The following NMRK1 variants were observed in gnomAD, a reference collection of about 807,000 sequenced individuals.
NMRK1 encodes the protein nicotinamide riboside kinase 1.
A neutral mutation model predicts 29.9 loss-of-function variants in NMRK1; 28 were observed. The ratio of observed to expected loss-of-function variants is 0.94; its 90% CI spans 0.69 to 1.28. NMRK1 has a LOEUF of 1.28. NMRK1 is among the 50% of genes most tolerant of loss of function. The pLI is 0.00. For synonymous variants in NMRK1, 58 were observed against 73.0 expected (o/e 0.79, Z 1.05); for missense variants, 218 against 233.1 (o/e 0.94, Z 0.42).
intron 8 of NMRK1, among the ~76,000 whole-genome samples, chr9:75,065,460 T>C (rs1269711490): frequency 1.3e-5 from 2 of 151,990 alleles, no homozygotes; most frequent in African/African-American, 4.8e-5. Context: ...TGAGCCACTG[T>C]GCTTGGTAGC....
At position 75,077,207 on chromosome 9, in the gene NMRK1, G is replaced by A. The variant is rs373465061; in HGVS notation, c.121C>T (p.Pro41Ser). The change falls in exon 4 of 9, where the codon CCA becomes TCA. Residue 41 changes from proline to serine, a missense_variant and splice_region_variant. Physicochemically the swap from Pro to Ser is moderately conservative, Grantham distance 74. Transcript: ENST00000361092. ...SVISQDDFFK[P>S]ESEIETDKNG... ...TTATCTGTCTCTATCTCAGACTCTG[G>A]CTGGAAAAATAATAAAGTACCCATC... The A allele has an allele frequency of 3.8e-6, 6 of 1,591,988 alleles. No homozygotes were observed. In the African/African-American group the frequency reaches 8.1e-5, roughly 21 times the overall value.
intron 4 of NMRK1, among the ~76,000 whole-genome samples, chr9:75,073,226 C>G (rs901452886): frequency 6.6e-6 from 1 of 152,124 alleles, no homozygotes; most frequent in African/African-American, 2.4e-5. Flanking sequence ...GCAGCCGAAA[C>G]CAAGGCTGCC....
chr9:75,082,889 T>C, intron 2 of NMRK1, 198 bp downstream of exon 2: 2 of 560,154 alleles, frequency 3.6e-6, no homozygotes, highest in South Asian at 4.8e-5. Flanking sequence ...GACTCTTCTG[T>C]TTCTCTGTTT....
chr9:75,071,745 C>T (rs760506889), intron 4 of NMRK1, among the ~76,000 whole-genome samples: 22 of 152,074 alleles, frequency 1.4e-4, no homozygotes, highest in Non-Finnish European at 2.5e-4. Flanking sequence ...GAGAAGAGGG[C>T]GTCAAGGAGA....
chr9:75,081,511 C>G (rs192862055), intron 2 of NMRK1, among the ~76,000 whole-genome samples: 1 of 152,130 alleles, frequency 6.6e-6, no homozygotes, highest in Non-Finnish European at 1.5e-5. Flanking sequence ...ATGGATAGTA[C>G]CTAGTACACA....
Position 75,077,547 on chromosome 9 carries a change from C to A in NMRK1, c.63G>T (p.Lys21Asn). Residue 21 changes from lysine (K) to asparagine (N), a missense_variant, in exon 3 of 9, where the codon AAG (lysine) becomes AAT (asparagine). Physicochemically the swap from Lys to Asn is moderately conservative, Grantham distance 94. Transcript: ENST00000361092. ...VTNSGKTTLA[K>N]NLQKHLPNCS... Reference sequence around the variant, plus strand: ...AATTTGGGAGGTGTTTCTGCAAATTCTTAGCCAGTGTTGTTTTGCCACTGT... The same window carrying A: ...AATTTGGGAGGTGTTTCTGCAAATTATTAGCCAGTGTTGTTTTGCCACTGT... The A allele has an allele frequency of 6.2e-7, 1 of 1,613,788 alleles. No homozygotes were observed. The highest frequency in any genetic ancestry group is 8.5e-7 in the Non-Finnish European group (1 of 1,179,760).
intron 2 of NMRK1, among the ~76,000 whole-genome samples, chr9:75,081,765 G>A (rs1055121300): frequency 6.6e-6 from 1 of 152,168 alleles, no homozygotes; most frequent in Non-Finnish European, 1.5e-5. Flanking sequence ...TTACCATGGT[G>A]GCTGAGTGTA....
At chr9:75,077,810 AT>A (rs1212601924) in intron 2 of NMRK1, among the ~76,000 whole-genome samples, 1 of 151,940 alleles carries the variant, frequency 6.6e-6, no homozygotes, top group Non-Finnish European at 1.5e-5. Flanking sequence ...TAATTTCTGT[AT>A]TTTTAGTAGA....
chr9:75,078,625 A>G, intron 2 of NMRK1: 1 of 1,066,526 alleles, frequency 9.4e-7, no homozygotes, highest in Non-Finnish European at 1.2e-6. Flanking sequence ...GAATGAGAAA[A>G]AAATTATACC....
Position 75,077,678 on chromosome 9 carries a change from A to AAGGCTG in NMRK1, c.30-104_30-99dup, listed in dbSNP as rs1824081332. 1.5e-5 allele frequency: 12 copies of AAGGCTG among 809,424 alleles called. No homozygotes were observed. In the South Asian group the frequency reaches 1.8e-4, roughly 12 times the overall value. The allele number at this position is 809,424 out of a possible 1,614,324, so 50.1% of individuals were successfully genotyped here. On this transcript the variant is annotated intron_variant, in intron 2 of 8. Transcript: ENST00000361092. Reference sequence around the variant, plus strand: ...AGAGACAGGGTCTCGCTGTGTCACCAAGGCTGGAGTGCAGTGGTGCAATCT... The same window carrying AAGGCTG: ...AGAGACAGGGTCTCGCTGTGTCACCAAGGCTGAGGCTGGAGTGCAGTGGTGCAATCT...
intron 2 of NMRK1, among the ~76,000 whole-genome samples, chr9:75,081,324 G>A (rs529221328): frequency 6.6e-6 from 1 of 152,306 alleles, no homozygotes; most frequent in East Asian, 1.9e-4. Flanking sequence ...CAGGAGCAGT[G>A]GCTCATCCTT....
chr9:75,076,785 A>G (rs1444922904), intron 4 of NMRK1, among the ~76,000 whole-genome samples: 2 of 151,934 alleles, frequency 1.3e-5, no homozygotes. Flanking sequence ...TAGAGATGGA[A>G]TCTCCCTATG....
chr9:75,065,216 G>A (rs1403415704), intron 8 of NMRK1, among the ~76,000 whole-genome samples: 1 of 152,094 alleles, frequency 6.6e-6, no homozygotes. Context: ...TCACCAGACT[G>A]GAGTGCAGTG....
chr9:75,066,517 C>T (rs981565824), intron 8 of NMRK1, among the ~76,000 whole-genome samples: 6 of 152,136 alleles, frequency 3.9e-5, no homozygotes, highest in African/African-American at 1.4e-4. Flanking sequence ...AAGTAAATCA[C>T]ATAAATAGCA....
At position 75,070,037 on chromosome 9, in the gene NMRK1, C is replaced by G. The variant is rs1823610075; in HGVS notation, c.175G>C (p.Glu59Gln). 1 of 1,605,624 alleles carries G rather than the reference C, an allele frequency of 6.2e-7. No individual in the cohort carries two copies. The highest frequency in any genetic ancestry group is 8.5e-7 in the Non-Finnish European group (1 of 1,177,710). Reference protein sequence around the residue: ...KNGFLQYDVLEALNMEKMMSA... With the variant: ...KNGFLQYDVLQALNMEKMMSA... ...ATCATTTTTTCCATGTTAAGTGCTT[C>G]AAGCACTTCAAACAAACACACAAAA... Residue 59 changes from glutamate to glutamine, a missense_variant, in exon 5 of 9, where the codon GAA becomes CAA. Physicochemically the swap from Glu to Gln is conservative, Grantham distance 29. Transcript: ENST00000361092.
chr9:75,067,066 TG>T (rs1410589489), intron 7 of NMRK1: 3 of 372,912 alleles, frequency 8.0e-6, no homozygotes, highest in Non-Finnish European at 1.4e-5. Context: ...CTGGCTTATG[TG>T]AAAATTATTT....
intron 2 of NMRK1, chr9:75,078,622 A>G (rs1214004629): frequency 9.0e-7 from 1 of 1,109,164 alleles, no homozygotes; most frequent in Non-Finnish European, 1.1e-6. Context: ...CTTGAATGAG[A>G]AAAAAATTAT....
At chr9:75,081,180 A>T (rs1009554092) in intron 2 of NMRK1, among the ~76,000 whole-genome samples, 1 of 152,234 alleles carries the variant, frequency 6.6e-6, no homozygotes, top group Non-Finnish European at 1.5e-5. Context: ...ATTGAGGCTT[A>T]TTGGACAATT....
intron 4 of NMRK1, among the ~76,000 whole-genome samples, chr9:75,072,923 CAA>C (rs1823779960): frequency 6.6e-6 from 1 of 152,042 alleles, no homozygotes. Context: ...AGTTTTTGGT[CAA>C]GTTAGTTAAT....
Sources: gnomAD v4.1 joint callset for allele counts (sites outside exome capture counted in the v4.1 genomes callset) on GRCh38, gnomAD v4.1.1 for gene constraint, MANE v1.5 for transcripts, NCBI Gene and HGNC (gene_info 2026-07-23, HGNC 2026-07-21) for gene names.